Variants in AVEN observed in about 807,000 individuals in gnomAD.
AVEN encodes apoptosis and caspase activation inhibitor.
In AVEN, 41 loss-of-function variants were observed where a neutral mutation model predicts 38.1. That is an observed-to-expected ratio of 1.08 (90% CI 0.84 to 1.40). The LOEUF (loss-of-function observed/expected upper bound fraction) is 1.40. AVEN is among the 40% of genes most tolerant of loss of function. AVEN has a pLI of 0.00. For synonymous variants in AVEN, 206 were observed against 171.8 expected, an observed-to-expected ratio of 1.20 and a Z score of -1.56; for missense variants, 605 against 438.8, an observed-to-expected ratio of 1.38 and a Z score of -3.38.
chr15:33,962,173 A>G (rs1355561042), intron 2 of AVEN, among the ~76,000 whole-genome samples: 3 of 152,184 alleles, frequency 2.0e-5, no homozygotes, highest in Non-Finnish European at 4.4e-5. Flanking sequence ...AATGAAAAAC[A>G]AAGGAATGGG....
chr15:34,015,060 G>GGGAAAAC (rs1413832784), intron 1 of AVEN, among the ~76,000 whole-genome samples: 59 of 152,244 alleles, frequency 3.9e-4, no homozygotes, highest in African/African-American at 1.2e-3. Context: ...CCTTAACAGT[G>GGGAAAAC]TGTCTCCCTT....
At chr15:34,053,299 C>CAAAAAA (rs71454513) in intron 5 of AVEN, among the ~76,000 whole-genome samples, 7 of 51,542 alleles carry the variant, frequency 1.4e-4, no homozygotes, top group African/African-American at 1.8e-4. Flanking sequence ...GACTCCATCT[C>CAAAAAA]AAAAAAAAAA....
chr15:33,927,256 A>AAAT (rs143126877), intron 2 of AVEN, among the ~76,000 whole-genome samples: 2,650 of 150,640 alleles, frequency 0.018, 49 homozygotes, highest in East Asian at 0.05. Flanking sequence ...CTCCATCTCA[A>AAAT]AATAATAATA....
chr15:34,035,252 T>C (rs1293059495), intron 1 of AVEN, among the ~76,000 whole-genome samples: 1 of 152,148 alleles, frequency 6.6e-6, no homozygotes, highest in African/African-American at 2.4e-5. Flanking sequence ...ATATAAATCA[T>C]TTTAAAAGGA....
chr15:33,877,543 G>A (rs970284090), intron 2 of AVEN, among the ~76,000 whole-genome samples: 3 of 152,210 alleles, frequency 2.0e-5, no homozygotes, highest in African/African-American at 4.8e-5. Flanking sequence ...GGCCGGGCGC[G>A]GTGGCTCACG....
In AVEN at chr15:34,063,843, T is replaced by A; in HGVS notation, n.1127-411A>T. 1 of 1,614,088 alleles carries A rather than the reference T, an allele frequency of 6.2e-7. No individual in the cohort carries two copies. The highest frequency in any genetic ancestry group is 2.2e-5 in the East Asian group (1 of 44,880). On this transcript the variant is annotated intron_variant and non_coding_transcript_variant, in intron 4 of 11. Transcript: ENST00000675287. This position sits in a 1 kb window ranked among gnomAD's most constrained non-coding sequence, Gnocchi z 4.1. ...TGCTCATAGACCCAAGAGTCAGAAATGTGTGGCCTATAAGTTCCGATTGGT... is the reference window on the plus strand; with the variant it reads ...TGCTCATAGACCCAAGAGTCAGAAAAGTGTGGCCTATAAGTTCCGATTGGT...
At chr15:33,852,937 C>A in the AVEN span, 1 of 947,706 alleles carries the variant, frequency 1.1e-6, no homozygotes, top group South Asian at 1.5e-5. Flanking sequence ...GTGAGCAGGA[C>A]ACAAACCAGA....
chr15:34,039,465 A>G (rs916968686), upstream of AVEN, among the ~76,000 whole-genome samples: 1 of 152,250 alleles, frequency 6.6e-6, no homozygotes, highest in Non-Finnish European at 1.5e-5. Context: ...AAACAAATAC[A>G]TACTAAAATG....
intron 2 of AVEN, among the ~76,000 whole-genome samples, chr15:33,978,154 A>C (rs1441748942): frequency 2.0e-5 from 3 of 152,194 alleles, no homozygotes; most frequent in Non-Finnish European, 4.4e-5. Flanking sequence ...CGATCCAAGT[A>C]CATGAAGAAA....
chr15:34,025,351 G>GAAC (rs1159480233), intron 1 of AVEN, among the ~76,000 whole-genome samples: 6 of 152,280 alleles, frequency 3.9e-5, no homozygotes, highest in South Asian at 2.1e-4. Flanking sequence ...AAATCGACAA[G>GAAC]AAGTTTAGAG....
intron 2 of AVEN, among the ~76,000 whole-genome samples, chr15:33,903,244 T>C (rs918668125): frequency 6.6e-5 from 10 of 152,318 alleles, no homozygotes; most frequent in African/African-American, 2.4e-4. Context: ...ACAAACAGTT[T>C]ATAAAAGGAC....
intron 2 of AVEN, among the ~76,000 whole-genome samples, chr15:33,941,177 A>G (rs1567425148): frequency 6.6e-6 from 1 of 152,234 alleles, no homozygotes; most frequent in Non-Finnish European, 1.5e-5. Context: ...CTTTCTTCAC[A>G]GAATGTTTAC....
At chr15:33,916,923 C>A (rs111899158) in intron 2 of AVEN, among the ~76,000 whole-genome samples, 9 of 152,208 alleles carry the variant, frequency 5.9e-5, no homozygotes, top group African/African-American at 2.2e-4. Context: ...TTCTTCACAT[C>A]GCAGCAGCAA....
rs190215004 is a variant in AVEN, at chr15:33,920,172, T to C, written c.446-44177A>G. The stretch of plus-strand genomic sequence containing the variant: ...TCAACCATGCAATGCAGATTTGTCC[T>C]ACAATCTTAATTGTGGTAAAAATAC... On this transcript the variant is annotated intron_variant, in intron 2 of 5. Coordinates refer to ENST00000306730, the MANE Select transcript of AVEN (RefSeq NM_020371.3). Among the ~76,000 whole-genome samples, 100 of 152,360 alleles carry C rather than the reference T, an allele frequency of 6.6e-4. 1 individual carries two copies. Among genetic ancestry groups the C allele is most frequent in the African/African-American group, 2.0e-3 (84 of 41,584 alleles).
At chr15:33,894,515 T>TA (rs71117190) in intron 2 of AVEN, among the ~76,000 whole-genome samples, 7,748 of 132,148 alleles carry the variant, frequency 0.059, 764 homozygotes, top group African/African-American at 0.21. Flanking sequence ...GTTTTTCTCT[T>TA]AAAAAAAAAA....
intron 2 of AVEN, among the ~76,000 whole-genome samples, chr15:33,984,697 C>T (rs555776794): frequency 2.0e-5 from 3 of 152,242 alleles, no homozygotes; most frequent in South Asian, 2.1e-4. Flanking sequence ...GCACTGCACC[C>T]AGCCTATTCA....
intron 5 of AVEN, among the ~76,000 whole-genome samples, chr15:34,045,135 A>C (rs1278473926): frequency 6.6e-6 from 1 of 152,236 alleles, no homozygotes; most frequent in Non-Finnish European, 1.5e-5. Context: ...CTAAAAACTC[A>C]ACTTTATTCT....
chr15:33,936,882 A>G (rs1207214342), intron 2 of AVEN, among the ~76,000 whole-genome samples: 2 of 152,260 alleles, frequency 1.3e-5, no homozygotes, highest in African/African-American at 2.4e-5. Flanking sequence ...CTGTAATCCC[A>G]ACACTTTGGG....
intron 4 of AVEN, chr15:34,064,534 T>C (rs926864848): frequency 2.7e-5 from 16 of 600,904 alleles, no homozygotes; most frequent in East Asian, 8.8e-5. Flanking sequence ...CCAAGGCCAT[T>C]TGATGCCAGG....
Sources: allele counts gnomAD v4.1 joint callset (sites outside exome capture counted in the v4.1 genomes callset), GRCh38; gene constraint gnomAD v4.1.1; non-coding constraint Gnocchi (gnomAD v3.1); transcripts MANE v1.5; gene names NCBI Gene and HGNC (gene_info 2026-07-23, HGNC 2026-07-21).